Variants in LYST observed in about 807,000 individuals in gnomAD.
The protein encoded by LYST is lysosomal-trafficking regulator.
Under a neutral mutation model 413.6 loss-of-function variants are expected in LYST, and 192 were observed. The observed-to-expected ratio is 0.46, with a 90% CI of 0.41 to 0.52. The LOEUF (loss-of-function observed/expected upper bound fraction) is 0.52, where lower values mean the gene tolerates loss of function less well. Among genes scored for constraint, LYST ranks in the 20% least tolerant of loss-of-function variants. The pLI is 0.00. For synonymous variants in LYST, 1,525 were observed against 1,567.3 expected (o/e 0.97, Z 0.64); for missense variants, 3,815 against 4,499.9 (o/e 0.85, Z 4.35).
intron 45 of LYST, among the ~76,000 whole-genome samples, chr1:235,701,346 T>G (rs1661528116): frequency 6.6e-6 from 1 of 152,166 alleles, no homozygotes; most frequent in Non-Finnish European, 1.5e-5. Flanking sequence ...AGTGACAGAT[T>G]GGGCTGGGTG....
At chr1:235,736,195 C>T (rs969812077) in intron 31 of LYST, 1 of 151,856 alleles carries the variant, frequency 6.6e-6, no homozygotes, top group African/African-American at 2.4e-5. Flanking sequence ...GAATAGATAA[C>T]AAAAAACTCT....
chr1:235,673,012 G>A (rs984369891), intron 50 of LYST, among the ~76,000 whole-genome samples: 5 of 152,100 alleles, frequency 3.3e-5, no homozygotes, highest in African/African-American at 7.2e-5. Flanking sequence ...CTTATCAGAA[G>A]TTGCAAAGAG....
chr1:235,770,220 A>C lies in LYST; in HGVS notation c.5862T>G (p.Ile1954Met), dbSNP rs766939862. 8.1e-6 allele frequency: 13 copies of C among 1,613,750 alleles called. No homozygotes were observed. The East Asian group carries it at 2.9e-4, about 36-fold the overall frequency. The change falls in exon 20 of 53, where the codon ATT (isoleucine) becomes ATG (methionine). Residue 1954 changes from isoleucine (I) to methionine (M), a missense_variant. Around this residue, in one of 4 missense-constraint regions of LYST, gnomAD observed 530 missense variants for 696.5 expected, o/e 0.76. Transcript: ENST00000389793. ...RADHHQQMFN[I>M]KQLLKAQVVH... ...CCACTTGAGCTTTCAATAACTGCTT[A>C]ATATTAAACATCTGCTGGTGGTGAT...
chr1:235,881,276 A>G (rs1341798141), intron 1 of LYST, among the ~76,000 whole-genome samples: 1 of 152,226 alleles, frequency 6.6e-6, no homozygotes, highest in Non-Finnish European at 1.5e-5. Flanking sequence ...CTGTGTGGAA[A>G]ACATACTTTT....
chr1:235,863,460 T>C (rs1390244795), intron 1 of LYST, among the ~76,000 whole-genome samples: 1 of 135,178 alleles, frequency 7.4e-6, no homozygotes, highest in Non-Finnish European at 1.6e-5. Flanking sequence ...TGACTCTGTC[T>C]AAAAAAAAAA....
intron 22 of LYST, among the ~76,000 whole-genome samples, chr1:235,761,095 T>TA (rs1044669561): frequency 2.6e-5 from 4 of 152,032 alleles, no homozygotes; most frequent in Admixed American, 6.6e-5. Context: ...CTCATTTATT[T>TA]AAAAAAAATT....
In LYST at chr1:235,753,061, C is replaced by T. The variant is rs780006717; in HGVS notation, c.7443G>A (p.Leu2481=). 6.4e-7 allele frequency: 1 copy of T among 1,553,396 alleles called. No homozygotes were observed. The highest frequency in any genetic ancestry group is 1.4e-5 in the African/African-American group (1 of 73,730). The change falls in exon 26 of 53, where the codon CTG becomes CTA. Residue 2481 remains leucine, a synonymous_variant. Coordinates refer to ENST00000389793, the MANE Select transcript of LYST (RefSeq NM_000081.4). ...LYVLCNTVAA[L]NGLEKNIPMS... is the part of the protein sequence containing the mutation. ...AAACTTACTTCTTTTCTAATCCATT[C>T]AGGGCTGCTACTGTATTACATAACA...
At chr1:235,685,048 A>G (rs1045811983) in intron 48 of LYST, among the ~76,000 whole-genome samples, 1 of 152,134 alleles carries the variant, frequency 6.6e-6, no homozygotes, top group African/African-American at 2.4e-5. Context: ...TACACAGGAA[A>G]GTATTTGCCA....
chr1:235,672,054 GA>G (rs1658985593), intron 50 of LYST, among the ~76,000 whole-genome samples: 1 of 152,140 alleles, frequency 6.6e-6, no homozygotes, highest in African/African-American at 2.4e-5. Context: ...GAAAGAAGGA[GA>G]AGAGTAAAGG....
At chr1:235,875,624 C>A (rs1349160708) in intron 1 of LYST, among the ~76,000 whole-genome samples, 1 of 152,142 alleles carries the variant, frequency 6.6e-6, no homozygotes, top group Non-Finnish European at 1.5e-5. Context: ...AGTCTTCATC[C>A]TACACCTGCA....
intron 7 of LYST, 138 bp from the exon 8 acceptor site, chr1:235,803,202 T>A (rs1672432739): frequency 2.8e-6 from 2 of 705,840 alleles, no homozygotes; most frequent in African/African-American, 1.8e-5. Flanking sequence ...TGAATCATTA[T>A]AAATTATGAA....
rs1001747745 is a variant in LYST at position 235,720,860 on chromosome 1, T to C, written c.9361A>G (p.Asn3121Asp). ...GTGATGTTACCATATTCCAGAAGAT[T>C]AGGGAGGTTATTTGTGAGTATATTG... is the stretch of plus-strand genomic sequence containing the variant. ...YHNILTNNLP[N>D]LLEYGNITAL... The change falls in exon 40 of 53, where the codon AAT (asparagine) becomes GAT (aspartate). Residue 3121 changes from asparagine to aspartate, a missense_variant. By Grantham distance (23) the Asn-to-Asp change is conservative. Transcript: ENST00000389793. 9.3e-6 allele frequency: 15 copies of C among 1,613,534 alleles called. No homozygotes were observed. The highest frequency in any genetic ancestry group is 1.3e-5 in the African/African-American group (1 of 74,878).
rs1410552448 is a variant in LYST, at chr1:235,712,201, T to TA, written c.9785-5dup. 3 of 1,568,178 alleles carry TA rather than the reference T, an allele frequency of 1.9e-6. No individual in the cohort carries two copies. Among genetic ancestry groups the TA allele is most frequent in the African/African-American group, 1.4e-5 (1 of 73,692 alleles). On this transcript the variant is annotated splice_polypyrimidine_tract_variant and splice_region_variant and intron_variant, in intron 42 of 52. Transcript: ENST00000389793. ...TCTGGAATGTCAAAACTTTGATCTA[T>TA]AAAAAAATACAAATAATACGATTAA...
intron 44 of LYST, among the ~76,000 whole-genome samples, chr1:235,703,203 G>A (rs1425385959): frequency 6.6e-6 from 1 of 152,124 alleles, no homozygotes. Context: ...AATTAGTTAT[G>A]TTTATAAAAT....
chr1:235,677,107 A>C lies in LYST; in HGVS notation c.11022T>G (p.Ala3674=), dbSNP rs781457401. 4.2e-5 allele frequency: 67 copies of C among 1,613,690 alleles called. No homozygotes were observed. In the South Asian group the frequency reaches 7.1e-4, roughly 17 times the overall value. The change falls in exon 50 of 53, where the codon GCT becomes GCG. Residue 3674 remains alanine (A), a synonymous_variant. Transcript: ENST00000389793. Reference sequence around the variant, plus strand: ...CAAGCTCACCTGAATCACACACAGTAGCAATATCACCTGAGGTTTCACTGG... The same window carrying C: ...CAAGCTCACCTGAATCACACACAGTCGCAATATCACCTGAGGTTTCACTGG... The part of the protein sequence containing the change: ...VSASETSGDI[A]TVCDSAGGGS...
At position 235,812,991 on chromosome 1, in the gene LYST, A is replaced by G; in HGVS notation, c.263T>C (p.Val88Ala). Residue 88 changes from valine to alanine, a missense_variant, in exon 4 of 53, where the codon GTC (valine) becomes GCC (alanine). Physicochemically the swap from Val to Ala is moderately conservative, Grantham distance 64. This residue lies in a region of LYST where 1,648 missense variants were observed against 1,810.3 expected (regional missense o/e 0.91). Transcript: ENST00000389793. ...SLLPLVWKIPVQEEKATDFNL... is the reference protein window; with the variant it reads ...SLLPLVWKIPAQEEKATDFNL... ...CATACCTGTTGCCTTTTCTTCTTGGACAGGTATCTTCCATACCAGTGGAAG... is the reference window on the plus strand; with the variant it reads ...CATACCTGTTGCCTTTTCTTCTTGGGCAGGTATCTTCCATACCAGTGGAAG... 6.2e-7 allele frequency: 1 copy of G among 1,611,284 alleles called. No individual in the cohort carries two copies. The highest frequency in any genetic ancestry group is 8.5e-7 in the Non-Finnish European group (1 of 1,177,624).
chr1:235,827,513 A>G (rs1675462239), intron 3 of LYST: 1 of 979,472 alleles, frequency 1.0e-6, no homozygotes, highest in South Asian at 4.7e-5. Flanking sequence ...ACATACAACT[A>G]TGTGTCTAGT....
rs1312910419 is a variant in LYST, at chr1:235,800,541, T to A, written c.3940-155A>T. Among the ~76,000 whole-genome samples the A allele has an allele frequency of 2.0e-5, 3 of 152,324 alleles. No individual in the cohort carries two copies. The South Asian group carries it at 6.2e-4, about 32-fold the overall frequency. On this transcript the variant is annotated intron_variant, in intron 9 of 52. Transcript: ENST00000389793. ...AAGACTACTATGTGTAGGATTATAC[T>A]AATTTTCATTTTCTTTTTATACTGA...
intron 17 of LYST, among the ~76,000 whole-genome samples, chr1:235,776,555 A>G (rs1669259793): frequency 6.6e-6 from 1 of 152,190 alleles, no homozygotes; most frequent in South Asian, 2.1e-4. Flanking sequence ...TCCCTGAAAT[A>G]GTCTATAATT....
Sources: allele counts gnomAD v4.1 joint callset (sites outside exome capture counted in the v4.1 genomes callset), GRCh38; gene constraint gnomAD v4.1.1; regional missense constraint gnomAD v4.1.1; transcripts MANE v1.5; gene names NCBI Gene and HGNC (gene_info 2026-07-23, HGNC 2026-07-21).